SLC15A4: variants seen among roughly 807,000 people sequenced by gnomAD.
SLC15A4 encodes solute carrier family 15 member 4, also known as hPHT1.
In SLC15A4, 26 loss-of-function variants were observed where a neutral mutation model predicts 46.1. The ratio of observed to expected loss-of-function variants is 0.56; its 90% CI spans 0.41 to 0.78. SLC15A4 has a LOEUF of 0.78. SLC15A4 is among the 30% of genes least tolerant of loss of function. The probability of loss-of-function intolerance (pLI) is 0.00; values close to 1 mark genes in which losing one functional copy is unlikely to be tolerated. For missense variants in SLC15A4, 751 were observed against 755.7 expected, an observed-to-expected ratio of 0.99 and a Z score of 0.07; for synonymous variants, 370 against 333.4, an observed-to-expected ratio of 1.11 and a Z score of -1.20.
chr12:128,823,659 C>T lies in SLC15A4; in HGVS notation c.285G>A (p.Leu95=). The T allele has an allele frequency of 1.3e-6, 2 of 1,493,214 alleles. No homozygotes were observed. Among genetic ancestry groups the T allele is most frequent in the African/African-American group, 1.4e-5 (1 of 68,990 alleles). The allele number at this position is 1,493,214 out of a possible 1,614,324, so 92.5% of individuals were successfully genotyped here. A position where few individuals can be genotyped will look rare whatever the true frequency, so the allele number is the denominator to read the frequency against. The part of the protein sequence containing the change: ...TYLGSPFGGW[L]ADARLGRARA... ...GCGCCCGGCCCAGCCGCGCGTCGGC[C>T]AGCCAGCCTCCGAACGGCGAGCCCA... Residue 95 remains leucine (L), a synonymous_variant, in exon 1 of 8, where the codon CTG becomes CTA. Coordinates refer to ENST00000266771, the MANE Select transcript of SLC15A4 (RefSeq NM_145648.4).
intron 2 of SLC15A4, 80 bp from the exon 3 acceptor site, chr12:128,810,191 T>C: frequency 7.0e-7 from 1 of 1,436,962 alleles, no homozygotes; most frequent in Non-Finnish European, 9.6e-7. Flanking sequence ...AGTTTGGAGG[T>C]AAGAAACCAG....
At chr12:128,813,049 C>G (rs1036352419) in intron 2 of SLC15A4, 3 of 152,218 alleles carry the variant, frequency 2.0e-5, no homozygotes, top group African/African-American at 7.2e-5. Flanking sequence ...GCAGAAATGT[C>G]TATGGGCTAC....
intron 7 of SLC15A4, among the ~76,000 whole-genome samples, chr12:128,795,734 A>T (rs1469157975): frequency 6.6e-6 from 1 of 152,226 alleles, no homozygotes; most frequent in Non-Finnish European, 1.5e-5. Flanking sequence ...GTGTGAGCAG[A>T]AAACGGCAGG....
chr12:128,799,524 T>C (rs2135705698), intron 6 of SLC15A4, 107 bp from the exon 7 acceptor site: 1 of 1,221,346 alleles, frequency 8.2e-7, no homozygotes, highest in Non-Finnish European at 1.1e-6. Context: ...TCCTAGGGAC[T>C]GAGTCCTGCA....
At chr12:128,806,381 A>C (rs1053498365) in intron 5 of SLC15A4, among the ~76,000 whole-genome samples, 1 of 152,100 alleles carries the variant, frequency 6.6e-6, no homozygotes, top group Non-Finnish European at 1.5e-5. Flanking sequence ...CAGCTAAGAA[A>C]AGATTAACAG....
At chr12:128,819,170 G>A (rs1334579267) in intron 1 of SLC15A4, among the ~76,000 whole-genome samples, 2 of 152,136 alleles carry the variant, frequency 1.3e-5, no homozygotes, top group African/African-American at 4.8e-5. Context: ...TTGGGAGGCC[G>A]AGGCAGGTGG....
At chr12:128,798,079 A>G (rs1593002800) in intron 7 of SLC15A4, among the ~76,000 whole-genome samples, 1 of 152,364 alleles carries the variant, frequency 6.6e-6, no homozygotes, top group East Asian at 1.9e-4. Flanking sequence ...ATGTGAAATT[A>G]AATTAAGAAT....
intron 1 of SLC15A4, chr12:128,815,457 G>T (rs59845124): frequency 5.7e-5 from 11 of 192,932 alleles, no homozygotes; most frequent in African/African-American, 1.9e-4. Context: ...AGGCTGAGGC[G>T]TGTGGATCAC....
chr12:128,817,144 TTTCTC>T (rs1242240366), intron 1 of SLC15A4, among the ~76,000 whole-genome samples: 2 of 152,196 alleles, frequency 1.3e-5, no homozygotes, highest in East Asian at 1.9e-4. Flanking sequence ...AGTTTAAACT[TTTCTC>T]TTATCTATTA....
intron 1 of SLC15A4, among the ~76,000 whole-genome samples, chr12:128,821,410 A>T (rs1955835312): frequency 6.6e-6 from 1 of 152,236 alleles, no homozygotes; most frequent in South Asian, 2.1e-4. Context: ...GTTCTATGAG[A>T]CATCTCGTCT....
chr12:128,821,859 C>A (rs1377495104), intron 1 of SLC15A4, among the ~76,000 whole-genome samples: 1 of 146,872 alleles, frequency 6.8e-6, no homozygotes, highest in East Asian at 2.0e-4. Flanking sequence ...GCACTCCAAC[C>A]TGGCAACAGA....
Position 128,793,863 on chromosome 12 carries a change from C to T in SLC15A4, c.*333G>A, listed in dbSNP as rs538958503. On this transcript the variant is annotated 3_prime_UTR_variant, in exon 8 of 8. Coordinates refer to ENST00000266771, the MANE Select transcript of SLC15A4 (RefSeq NM_145648.4). ...TAAGAAACTGGGATGCCAACTAACA[C>T]GTGGAGTTCCCCAAGACTTTGCAAT... 96 of 199,680 alleles carry T rather than the reference C, an allele frequency of 4.8e-4. No individual in the cohort carries two copies. Among genetic ancestry groups the T allele is most frequent in the Admixed American group, 8.4e-4 (14 of 16,720 alleles). The allele number at this position is 199,680 out of a possible 1,614,324, so 12.4% of individuals were successfully genotyped here.
At chr12:128,822,354 G>A (rs1254837804) in intron 1 of SLC15A4, among the ~76,000 whole-genome samples, 1 of 152,152 alleles carries the variant, frequency 6.6e-6, no homozygotes, top group Non-Finnish European at 1.5e-5. Flanking sequence ...CAATATGAGT[G>A]TTTTCCCACT....
In SLC15A4 at chr12:128,800,940, A is replaced by T; in HGVS notation, c.1328T>A (p.Val443Asp). 1 of 1,614,222 alleles carries T rather than the reference A, an allele frequency of 6.2e-7. No individual in the cohort carries two copies. The highest frequency in any genetic ancestry group is 8.5e-7 in the Non-Finnish European group (1 of 1,180,038). Residue 443 changes from valine (V) to aspartate (D), a missense_variant, in exon 6 of 8, where the codon GTC (valine) becomes GAC (aspartate). Transcript: ENST00000266771. ...KTINQTIGNVVYHAADLSLWW... is the reference protein window; with the variant it reads ...KTINQTIGNVDYHAADLSLWW... Reference sequence around the variant, plus strand: ...CAGCGACAGATCGGCAGCATGGTAGACGACGTTGCCGATGGTCTGATTAAT... The same window carrying T: ...CAGCGACAGATCGGCAGCATGGTAGTCGACGTTGCCGATGGTCTGATTAAT...
intron 5 of SLC15A4, 35 bp from the exon 6 acceptor site, chr12:128,801,044 T>TAGA: frequency 6.5e-7 from 1 of 1,541,848 alleles, no homozygotes; most frequent in Admixed American, 2.0e-5. Context: ...TAATATTCAT[T>TAGA]TATTAACATT....
chr12:128,796,415 G>T (rs961015979), intron 7 of SLC15A4, among the ~76,000 whole-genome samples: 4 of 111,190 alleles, frequency 3.6e-5, no homozygotes, highest in Non-Finnish European at 6.7e-5. Context: ...GGCAACAAAC[G>T]TGAAACTCCA....
intron 7 of SLC15A4, among the ~76,000 whole-genome samples, chr12:128,796,624 C>G (rs773210425): frequency 4.6e-5 from 7 of 152,134 alleles, no homozygotes; most frequent in Non-Finnish European, 7.3e-5. Flanking sequence ...TTACACTATT[C>G]GTTCAACCCT....
intron 5 of SLC15A4, among the ~76,000 whole-genome samples, chr12:128,801,949 C>T (rs944871110): frequency 1.3e-5 from 2 of 152,120 alleles, no homozygotes; most frequent in Non-Finnish European, 2.9e-5. Flanking sequence ...ATCCATAGGG[C>T]GATGAGAACA....
chr12:128,817,314 A>G (rs1033018107), intron 1 of SLC15A4, among the ~76,000 whole-genome samples: 2 of 152,246 alleles, frequency 1.3e-5, no homozygotes, highest in Admixed American at 1.3e-4. Context: ...ATGCTATACT[A>G]GACATGGACC....
Sources: allele counts gnomAD v4.1 joint callset (sites outside exome capture counted in the v4.1 genomes callset), GRCh38; gene constraint gnomAD v4.1.1; transcripts MANE v1.5; gene names NCBI Gene and HGNC (gene_info 2026-07-23, HGNC 2026-07-21).